ECPAS: variants seen among roughly 807,000 people sequenced by gnomAD.
The protein encoded by ECPAS is Ecm29 proteasome adaptor and scaffold, also known as proteasome adapter and scaffold protein ECM29.
ECPAS carries 70 observed loss-of-function variants against 255.1 expected under a neutral mutation model. The ratio of observed to expected loss-of-function variants is 0.27; its 90% confidence interval spans 0.23 to 0.33. The LOEUF is 0.33. Ranked by LOEUF, ECPAS falls within the 10% of genes least tolerant of loss-of-function variation. The pLI is 1.00. For missense variants in ECPAS, 1,817 were observed against 2,206.4 expected (o/e 0.82, Z 3.54); for synonymous variants, 784 against 775.0 (o/e 1.01, Z -0.19).
chr9:111,437,550 T>G (rs879553363), intron 6 of ECPAS, among the ~76,000 whole-genome samples: 1 of 152,146 alleles, frequency 6.6e-6, no homozygotes, highest in Non-Finnish European at 1.5e-5. Context: ...TAATTCACCT[T>G]CAATCCTCCC....
chr9:111,370,489 G>C lies in ECPAS; in HGVS notation c.4920C>G (p.Thr1640=), dbSNP rs202094874. The part of the protein sequence containing the change: ...ISCAADILKA[T]KEDRFQEFSN... Reference sequence around the variant, plus strand: ...AGAACTCCTGGAATCTGTCCTCTTTGGTGGCCTTCAAGATATCAGCTGCAC... The same window carrying C: ...AGAACTCCTGGAATCTGTCCTCTTTCGTGGCCTTCAAGATATCAGCTGCAC... Residue 1640 remains threonine (T), a synonymous_variant, in exon 45 of 50, where the codon ACC becomes ACG. Transcript: ENST00000684092. 8.9e-4 allele frequency: 1,433 copies of C among 1,610,944 alleles called. 10 individuals carry two copies. The highest frequency in any genetic ancestry group is 6.0e-3 in the South Asian group (546 of 90,284).
chr9:111,390,990 CCAA>C (rs2098158932), intron 29 of ECPAS, among the ~76,000 whole-genome samples: 1 of 152,170 alleles, frequency 6.6e-6, no homozygotes. Context: ...CCCTGAGAGC[CCAA>C]CATCATGGGC....
In ECPAS at chr9:111,484,176, G is replaced by A. The variant is rs528876131; in HGVS notation, c.-143C>T. ...CGCTCGGCGCCGCGAGGTGAGGGCT[G>A]TAGAGCGAGGCGTTCGGCGGGCCGG... On this transcript the variant is annotated 5_prime_UTR_variant, in exon 1 of 50. Transcript: ENST00000684092. 6 of 1,484,474 alleles carry A rather than the reference G, an allele frequency of 4.0e-6. No individual in the cohort carries two copies. The African/African-American group carries it at 4.4e-5, about 11-fold the overall frequency. 92.0% of individuals were successfully genotyped at this position (1,484,474 alleles called of 1,614,324 possible).
At chr9:111,448,366 A>G (rs1225826739) in intron 3 of ECPAS, among the ~76,000 whole-genome samples, 2 of 152,156 alleles carry the variant, frequency 1.3e-5, no homozygotes, top group Non-Finnish European at 2.9e-5. Context: ...TAACAATACT[A>G]ATTTTGGATA....
chr9:111,442,683 C>G (rs2098247533), intron 4 of ECPAS, among the ~76,000 whole-genome samples: 1 of 152,168 alleles, frequency 6.6e-6, no homozygotes, highest in Non-Finnish European at 1.5e-5. Context: ...TTCATATATG[C>G]AATTTCTTAT....
chr9:111,473,968 A>G (rs927525234), intron 1 of ECPAS, among the ~76,000 whole-genome samples: 10 of 152,228 alleles, frequency 6.6e-5, no homozygotes, highest in African/African-American at 2.2e-4. Context: ...CCCTGTCTCA[A>G]TAAAAAAGAA....
intron 1 of ECPAS, among the ~76,000 whole-genome samples, chr9:111,480,292 C>CTT (rs398011866): frequency 0.015 from 957 of 63,582 alleles, 40 homozygotes; most frequent in African/African-American, 0.037. Context: ...AGCACCTTTT[C>CTT]TTTTTTTTTT....
intron 2 of ECPAS, among the ~76,000 whole-genome samples, chr9:111,471,930 C>T (rs545048867): frequency 6.6e-6 from 1 of 151,808 alleles, no homozygotes; most frequent in Non-Finnish European, 1.5e-5. Flanking sequence ...CACAGAGACT[C>T]TGTCTCTACC....
intron 9 of ECPAS, among the ~76,000 whole-genome samples, chr9:111,429,921 G>A (rs1453186635): frequency 1.3e-5 from 2 of 152,146 alleles, no homozygotes; most frequent in Non-Finnish European, 2.9e-5. Context: ...TTTAAACACA[G>A]TGAACTAAAA....
At chr9:111,437,651 A>G (rs1357860774) in intron 6 of ECPAS, among the ~76,000 whole-genome samples, 1 of 152,170 alleles carries the variant, frequency 6.6e-6, no homozygotes, top group Non-Finnish European at 1.5e-5. Flanking sequence ...ATAAGCACAT[A>G]AAGTCCCTAA....
At chr9:111,390,136 C>T (rs41313313) in intron 29 of ECPAS, 35 bp from the exon 30 acceptor site, 122,023 of 1,262,078 alleles carry the variant, frequency 0.097, 7,780 homozygotes, top group East Asian at 0.31. Flanking sequence ...GGCAATAATA[C>T]ACTTCTCTCT....
In ECPAS at chr9:111,372,399, A is replaced by G. The variant is rs374404912; in HGVS notation, c.4528+30T>C. 1.3e-5 allele frequency: 20 copies of G among 1,580,212 alleles called. No homozygotes were observed. The African/African-American group carries it at 2.4e-4, about 19-fold the overall frequency. On this transcript the variant is annotated intron_variant, in intron 42 of 49. Transcript: ENST00000684092. ...AAAATTCTAGCTGTGATTCCTAAGA[A>G]GCAGGTTTAACTCAGGCCACACTAC...
Position 111,412,140 on chromosome 9 carries a change from C to G in ECPAS, c.2088G>C (p.Met696Ile), listed in dbSNP as rs1386202452. The G allele has an allele frequency of 6.3e-7, 1 of 1,580,526 alleles. No individual in the cohort carries two copies. Among genetic ancestry groups the G allele is most frequent in the Admixed American group, 2.0e-5 (1 of 50,014 alleles). Reference sequence around the variant, plus strand: ...CGCGCATTTCTTCTTTACTGTTATTCATCAGACTCTGAGCAGTATAAAAAA... The same window carrying G: ...CGCGCATTTCTTCTTTACTGTTATTGATCAGACTCTGAGCAGTATAAAAAA... ...VDKTEWIKSLMNNSKEEMREL... is the reference protein window; with the variant it reads ...VDKTEWIKSLINNSKEEMREL... Residue 696 changes from methionine (M) to isoleucine (I), a missense_variant, in exon 21 of 50, where the codon ATG becomes ATC. Met to Ile is a conservative substitution (Grantham distance 10). Transcript: ENST00000684092.
intron 9 of ECPAS, among the ~76,000 whole-genome samples, chr9:111,430,002 T>G (rs2131839767): frequency 6.6e-6 from 1 of 152,358 alleles, no homozygotes; most frequent in South Asian, 2.1e-4. Context: ...TTCTAGATTC[T>G]AGACCAGAAG....
chr9:111,410,814 CAGCCT>C (rs1029786760), intron 22 of ECPAS, among the ~76,000 whole-genome samples, 161 bp downstream of exon 22: 20 of 152,298 alleles, frequency 1.3e-4, no homozygotes, highest in African/African-American at 4.6e-4. Context: ...CCACCACACC[CAGCCT>C]TCGTTGTTAC....
At chr9:111,414,332 G>T in intron 19 of ECPAS, 97 bp downstream of exon 19, 1 of 1,059,706 alleles carries the variant, frequency 9.4e-7, no homozygotes, top group Non-Finnish European at 1.4e-6. Flanking sequence ...AGTTACAGAA[G>T]AAAAAGAATA....
chr9:111,470,919 A>AGCTG (rs1203632862), intron 2 of ECPAS, among the ~76,000 whole-genome samples: 1 of 152,174 alleles, frequency 6.6e-6, no homozygotes, highest in Non-Finnish European at 1.5e-5. Flanking sequence ...CCCCAGAGAC[A>AGCTG]GCAGCTGGCA....
intron 3 of ECPAS, among the ~76,000 whole-genome samples, chr9:111,445,680 T>G (rs2098251960): frequency 6.6e-6 from 1 of 152,146 alleles, no homozygotes; most frequent in South Asian, 2.1e-4. Flanking sequence ...GTTTTTTGTT[T>G]GTTTGTTTTT....
At chr9:111,402,787 T>G (rs12346691) in intron 24 of ECPAS, among the ~76,000 whole-genome samples, 1 of 152,014 alleles carries the variant, frequency 6.6e-6, no homozygotes, top group African/African-American at 2.4e-5. Flanking sequence ...CTGAACCCCT[T>G]AGGGAAACCA....
Sources: gnomAD v4.1 joint callset for allele counts (sites outside exome capture counted in the v4.1 genomes callset) on GRCh38, gnomAD v4.1.1 for gene constraint, MANE v1.5 for transcripts, NCBI Gene and HGNC (gene_info 2026-07-23, HGNC 2026-07-21) for gene names.